The following MCC variants were observed in gnomAD, a reference collection of about 807,000 sequenced individuals.
The protein encoded by MCC is MCC regulator of Wnt signaling pathway, also known as colorectal mutant cancer protein.
Under a neutral mutation model 116.2 loss-of-function variants are expected in MCC, and 90 were observed. The observed-to-expected ratio is 0.77, with a 90% confidence interval of 0.65 to 0.92. The LOEUF is 0.92. MCC is among the 40% of genes least tolerant of loss of function. MCC has a pLI of 0.00. For missense variants in MCC, 1,516 were observed against 1,312.2 expected (o/e 1.16, Z -2.40); for synonymous variants, 578 against 510.5 (o/e 1.13, Z -1.78).
chr5:113,408,460 T>TA (rs142343703), intron 1 of MCC, among the ~76,000 whole-genome samples: 5,529 of 152,264 alleles, frequency 0.036, 346 homozygotes, highest in African/African-American at 0.13. Context: ...GGAAACTTGT[T>TA]AAATTCTTTT....
At chr5:113,395,590 T>C (rs1769507678) in intron 1 of MCC, among the ~76,000 whole-genome samples, 1 of 152,184 alleles carries the variant, frequency 6.6e-6, no homozygotes, top group African/African-American at 2.4e-5. Flanking sequence ...ATGAATTCAG[T>C]AAGGTGACCA....
intron 3 of MCC, among the ~76,000 whole-genome samples, chr5:113,158,524 G>GC (rs1184680580): frequency 1.3e-5 from 2 of 152,170 alleles, no homozygotes; most frequent in Admixed American, 1.3e-4. Context: ...AGGTCACCAG[G>GC]CAGTAATAAT....
chr5:113,329,480 A>G (rs1767645835), intron 3 of MCC, among the ~76,000 whole-genome samples: 1 of 135,414 alleles, frequency 7.4e-6, no homozygotes, highest in Non-Finnish European at 1.6e-5. Flanking sequence ...ATATACGTAT[A>G]CACACACATA....
intron 5 of MCC, among the ~76,000 whole-genome samples, chr5:113,128,011 A>T (rs1331298423): frequency 6.6e-6 from 1 of 152,216 alleles, no homozygotes; most frequent in Middle Eastern, 3.2e-3. Context: ...AGGAAAAGAT[A>T]TTTCATTGTT....
chr5:113,197,663 T>C lies in MCC; in HGVS notation c.628-46241A>G, dbSNP rs369844339. Among the ~76,000 whole-genome samples, 107 of 152,312 alleles carry C rather than the reference T, an allele frequency of 7.0e-4. 3 individuals are homozygous for C. Among genetic ancestry groups the C allele is most frequent in the African/African-American group, 2.0e-3 (83 of 41,568 alleles). ...GGCATCAAATATTGAAAACTTACTA[T>C]GTAGGGGGCCCTATGTATTAAGCAC... On this transcript the variant is annotated intron_variant, in intron 3 of 18. Transcript: ENST00000408903.
intron 3 of MCC, among the ~76,000 whole-genome samples, chr5:113,267,432 T>C (rs1402910647): frequency 6.6e-6 from 1 of 152,198 alleles, no homozygotes; most frequent in Non-Finnish European, 1.5e-5. Flanking sequence ...TCAGTGTTCA[T>C]ATACATTATC....
chr5:113,177,820 T>C (rs1581207243), intron 3 of MCC, among the ~76,000 whole-genome samples: 2 of 152,334 alleles, frequency 1.3e-5, no homozygotes, highest in African/African-American at 2.4e-5. Flanking sequence ...TTTGTAGTTT[T>C]AATGCCTGAG....
intron 2 of MCC, among the ~76,000 whole-genome samples, chr5:113,353,371 G>A (rs1461349146): frequency 6.6e-6 from 1 of 152,124 alleles, no homozygotes; most frequent in Admixed American, 6.5e-5. Flanking sequence ...CTTAGCAACA[G>A]TCATGAGAAG....
intron 3 of MCC, among the ~76,000 whole-genome samples, chr5:113,303,656 T>C (rs1766915990): frequency 1.3e-5 from 2 of 152,060 alleles, no homozygotes. Flanking sequence ...TGAGAGAGCA[T>C]ATGGAGATAA....
At chr5:113,163,491 C>G (rs1373676234) in intron 3 of MCC, among the ~76,000 whole-genome samples, 1 of 136,076 alleles carries the variant, frequency 7.3e-6, no homozygotes, top group Non-Finnish European at 1.6e-5. Context: ...TCCACTTTCT[C>G]TTTCCTCCTT....
chr5:113,233,028 T>C (rs1309071614), intron 3 of MCC, among the ~76,000 whole-genome samples: 2 of 152,148 alleles, frequency 1.3e-5, no homozygotes, highest in Non-Finnish European at 2.9e-5. Context: ...CAGGGCTAAA[T>C]GAAATACCTG....
chr5:113,384,067 CCTTTTT>C (rs58400882), intron 2 of MCC, among the ~76,000 whole-genome samples: 26,059 of 151,886 alleles, frequency 0.17, 2,404 homozygotes, highest in Non-Finnish European at 0.22. Context: ...TCCTTTCTTT[CCTTTTT>C]AACTTTTTAT....
At chr5:113,127,479 G>A (rs971698657) in intron 5 of MCC, among the ~76,000 whole-genome samples, 5 of 152,178 alleles carry the variant, frequency 3.3e-5, no homozygotes, top group African/African-American at 1.2e-4. Context: ...CAGTGTGTAA[G>A]TATTCCCTTT....
At chr5:113,105,651 A>G (rs958046032) in intron 6 of MCC, among the ~76,000 whole-genome samples, 8 of 151,984 alleles carry the variant, frequency 5.3e-5, no homozygotes, top group East Asian at 1.9e-4. Flanking sequence ...AACCTCCAAA[A>G]CTTATCCTCA....
At chr5:113,329,090 C>A (rs1188987384) in intron 3 of MCC, among the ~76,000 whole-genome samples, 1 of 152,114 alleles carries the variant, frequency 6.6e-6, no homozygotes, top group Admixed American at 6.5e-5. Context: ...AAATTTCTCA[C>A]GGGTAAATGG....
At chr5:113,179,217 T>C (rs1190575621) in intron 3 of MCC, among the ~76,000 whole-genome samples, 1 of 152,212 alleles carries the variant, frequency 6.6e-6, no homozygotes, top group Non-Finnish European at 1.5e-5. Context: ...CCATTAATCT[T>C]ATGAACAGTA....
rs114478479 is a variant in MCC at position 113,057,785 on chromosome 5, A to C, written c.2214-3826T>G. On this transcript the variant is annotated intron_variant, in intron 14 of 18. Coordinates refer to ENST00000408903, the MANE Select transcript of MCC (RefSeq NM_001085377.2). ...TCACAAATCATCAACACTGATGTGG[A>C]GGGACAGACATCTAATGTTCCACAG... Among the ~76,000 whole-genome samples the C allele has an allele frequency of 3.2e-4, 49 of 152,380 alleles. No homozygotes were observed. In the South Asian group the frequency reaches 5.4e-3, roughly 17 times the overall value.
intron 2 of MCC, among the ~76,000 whole-genome samples, chr5:113,377,405 G>A (rs1051391991): frequency 1.3e-5 from 2 of 152,118 alleles, no homozygotes; most frequent in Non-Finnish European, 2.9e-5. Context: ...ATGGTTAGGA[G>A]TCTTGACATC....
intron 3 of MCC, among the ~76,000 whole-genome samples, chr5:113,317,431 T>C (rs1767312851): frequency 6.6e-6 from 1 of 152,164 alleles, no homozygotes; most frequent in Non-Finnish European, 1.5e-5. Flanking sequence ...TTTATTTGAG[T>C]AAATGACACT....
Sources: gnomAD v4.1 joint callset for allele counts (sites outside exome capture counted in the v4.1 genomes callset) on GRCh38, gnomAD v4.1.1 for gene constraint, MANE v1.5 for transcripts, NCBI Gene and HGNC (gene_info 2026-07-23, HGNC 2026-07-21) for gene names.